The following KANK1 variants were observed in gnomAD, a reference collection of about 807,000 sequenced individuals.
KANK1 encodes the protein KN motif and ankyrin repeat domain-containing protein 1.
KANK1 carries 109 observed loss-of-function variants against 106.2 expected under a neutral mutation model. The ratio of observed to expected loss-of-function variants is 1.03; its 90% confidence interval spans 0.88 to 1.20. The LOEUF (loss-of-function observed/expected upper bound fraction) is 1.20, where lower values mean the gene tolerates loss of function less well. Ranked by LOEUF, KANK1 falls within the 50% of genes most tolerant of loss-of-function variation. The pLI is 0.00. For missense variants in KANK1, 2,399 were observed against 1,710.7 expected, an observed-to-expected ratio of 1.40 and a Z score of -7.10; for synonymous variants, 873 against 652.2, an observed-to-expected ratio of 1.34 and a Z score of -5.16.
chr9:729,806 C>T (rs147683083), intron 3 of KANK1, among the ~76,000 whole-genome samples: 6 of 152,182 alleles, frequency 3.9e-5, no homozygotes, highest in African/African-American at 1.2e-4. Flanking sequence ...GACTAGAAAC[C>T]AAGGCTATGA....
At chr9:675,908 T>A (rs1250224352) in intron 1 of KANK1, among the ~76,000 whole-genome samples, 1 of 152,202 alleles carries the variant, frequency 6.6e-6, no homozygotes, top group Non-Finnish European at 1.5e-5. Flanking sequence ...GGGTGGGTAG[T>A]TCCTGGAAGT....
intron 1 of KANK1, among the ~76,000 whole-genome samples, chr9:521,986 C>T (rs1329638278): frequency 6.6e-6 from 1 of 151,812 alleles, no homozygotes; most frequent in African/African-American, 2.4e-5. Flanking sequence ...TTGCCTCTCT[C>T]AGTGGCCCTT....
intron 2 of KANK1, among the ~76,000 whole-genome samples, chr9:697,525 G>C (rs10115726): frequency 0.8 from 121,769 of 152,128 alleles, 48,907 homozygotes; most frequent in African/African-American, 0.85. Flanking sequence ...ATTCTGAGAC[G>C]ACATCAGTAT....
At position 616,070 on chromosome 9, in the gene KANK1, C is replaced by G. The variant is rs574373238; in HGVS notation, c.-83-60820C>G. ...ATCCGTCCTACCAGTGTCACCTCCC[C>G]ACCCAGCATCAGCCGAGCACCACAT... On this transcript the variant is annotated intron_variant, in intron 1 of 11. Transcript: ENST00000382297. Among the ~76,000 whole-genome samples, 35 of 152,312 alleles carry G rather than the reference C, an allele frequency of 2.3e-4. 2 individuals carry two copies. Among genetic ancestry groups the G allele is most frequent in the African/African-American group, 7.0e-4 (29 of 41,566 alleles).
chr9:656,697 A>C (rs1842217390), intron 1 of KANK1, among the ~76,000 whole-genome samples: 1 of 152,120 alleles, frequency 6.6e-6, no homozygotes, highest in Non-Finnish European at 1.5e-5. Context: ...AGAATCACTA[A>C]AGGGATGTGC....
intron 1 of KANK1, among the ~76,000 whole-genome samples, chr9:586,884 C>T (rs1823613290): frequency 6.6e-6 from 1 of 152,184 alleles, no homozygotes; most frequent in African/African-American, 2.4e-5. Flanking sequence ...AGGAAAGTGG[C>T]TTAACTGTAC....
intron 1 of KANK1, among the ~76,000 whole-genome samples, chr9:619,324 GA>G (rs779942694): frequency 8.8e-4 from 134 of 152,320 alleles, no homozygotes; most frequent in Non-Finnish European, 1.5e-3. Flanking sequence ...TTGGGTAGAA[GA>G]GGGGGCAAGA....
intron 3 of KANK1, chr9:487,799 T>C (rs2058318347): frequency 6.6e-6 from 1 of 152,200 alleles, no homozygotes; most frequent in Admixed American, 6.5e-5. Flanking sequence ...CCTCAAATGA[T>C]GGAGGTGGGT....
intron 1 of KANK1, among the ~76,000 whole-genome samples, chr9:546,606 T>C (rs2060943138): frequency 6.6e-6 from 1 of 152,094 alleles, no homozygotes; most frequent in South Asian, 2.1e-4. Flanking sequence ...TTACTCATCA[T>C]GTTATAGGTT....
intron 1 of KANK1, among the ~76,000 whole-genome samples, chr9:633,986 G>C (rs533739300): frequency 2.6e-5 from 4 of 152,172 alleles, no homozygotes; most frequent in African/African-American, 9.7e-5. Context: ...AGAAAACCTT[G>C]AAACAAATTG....
intron 3 of KANK1, among the ~76,000 whole-genome samples, chr9:488,739 C>G (rs12337866): frequency 0.065 from 9,877 of 152,224 alleles, 1,096 homozygotes; most frequent in African/African-American, 0.23. Context: ...AGGATTCACT[C>G]TTACTGCTGC....
chr9:513,238 A>G (rs989856513), intron 1 of KANK1, among the ~76,000 whole-genome samples: 1 of 152,242 alleles, frequency 6.6e-6, no homozygotes, highest in Non-Finnish European at 1.5e-5. Context: ...TAAATTATGA[A>G]TGCTGGAAGC....
intron 2 of KANK1, among the ~76,000 whole-genome samples, chr9:704,107 C>T (rs919960469): frequency 6.6e-6 from 1 of 152,168 alleles, no homozygotes; most frequent in Non-Finnish European, 1.5e-5. Context: ...CGTCTTTCTC[C>T]TTTTTAAGAT....
chr9:662,897 G>C (rs1372785792), intron 1 of KANK1, among the ~76,000 whole-genome samples: 1 of 152,062 alleles, frequency 6.6e-6, no homozygotes, highest in Non-Finnish European at 1.5e-5. Flanking sequence ...CCTGACCTCA[G>C]GTGATCCACC....
intron 1 of KANK1, among the ~76,000 whole-genome samples, chr9:643,452 C>G (rs1001011048): frequency 6.7e-6 from 1 of 150,070 alleles, no homozygotes; most frequent in African/African-American, 2.5e-5. Flanking sequence ...AAATTTTGGT[C>G]CAAGCTCTAG....
intron 1 of KANK1, among the ~76,000 whole-genome samples, chr9:608,035 T>TTATTA (rs1554646401): frequency 1.3e-4 from 3 of 23,904 alleles, no homozygotes; most frequent in African/African-American, 3.7e-4. Flanking sequence ...ATTATTATTA[T>TTATTA]TTTTTTTTTT....
At chr9:550,964 T>A (rs1179397948) in intron 1 of KANK1, among the ~76,000 whole-genome samples, 1 of 152,104 alleles carries the variant, frequency 6.6e-6, no homozygotes, top group East Asian at 1.9e-4. Flanking sequence ...TTCTGCTGTA[T>A]CTTTGTGCCT....
chr9:591,247 A>G (rs776072782), intron 1 of KANK1, among the ~76,000 whole-genome samples: 1 of 151,770 alleles, frequency 6.6e-6, no homozygotes, highest in Non-Finnish European at 1.5e-5. Context: ...TACTGCTTTT[A>G]AATGTATATA....
chr9:688,674 A>G (rs1432660672), intron 2 of KANK1, among the ~76,000 whole-genome samples: 1 of 151,830 alleles, frequency 6.6e-6, no homozygotes, highest in African/African-American at 2.4e-5. Flanking sequence ...AGAGGTGACC[A>G]GGTATGTTGT....
Sources: gnomAD v4.1 joint callset for allele counts (sites outside exome capture counted in the v4.1 genomes callset) on GRCh38, gnomAD v4.1.1 for gene constraint, MANE v1.5 for transcripts, NCBI Gene and HGNC (gene_info 2026-07-23, HGNC 2026-07-21) for gene names.